FOXP2: variants seen among roughly 807,000 people sequenced by gnomAD.
FOXP2 encodes the protein forkhead box P2, also known as forkhead box protein P2.
In FOXP2, 12 loss-of-function variants were observed where a neutral mutation model predicts 115.8. The ratio of observed to expected loss-of-function variants is 0.10; its 90% CI spans 0.07 to 0.17. The LOEUF is 0.17. Ranked by LOEUF, FOXP2 falls within the 10% of genes least tolerant of loss-of-function variation. The probability of loss-of-function intolerance (pLI) is 1.00; values close to 1 mark genes in which losing one functional copy is unlikely to be tolerated. For synonymous variants in FOXP2, 328 were observed against 297.7 expected (o/e 1.10, Z -1.05); for missense variants, 629 against 843.5 (o/e 0.75, Z 3.15).
At chr7:114,244,172 G>C (rs180814995) in intron 1 of FOXP2, among the ~76,000 whole-genome samples, 151 of 152,198 alleles carry the variant, frequency 9.9e-4, no homozygotes, top group African/African-American at 3.4e-3. Flanking sequence ...AAATTGTGAA[G>C]ATAATACAAA....
At chr7:114,153,758 T>C (rs1252034691) in intron 1 of FOXP2, among the ~76,000 whole-genome samples, 1 of 146,852 alleles carries the variant, frequency 6.8e-6, no homozygotes, top group African/African-American at 2.4e-5. Flanking sequence ...TTTGTAGCTC[T>C]TTCTTTTCAC....
intron 1 of FOXP2, among the ~76,000 whole-genome samples, chr7:114,180,806 A>G (rs1020628916): frequency 6.6e-6 from 1 of 151,968 alleles, no homozygotes; most frequent in Admixed American, 6.6e-5. Context: ...CACTGATGCT[A>G]TCCTAGTCTA....
intron 3 of FOXP2, among the ~76,000 whole-genome samples, chr7:114,546,815 ACT>A (rs1385211757): frequency 6.6e-6 from 1 of 152,178 alleles, no homozygotes; most frequent in Non-Finnish European, 1.5e-5. Context: ...TCAATCGCAG[ACT>A]CTAAATCTTT....
At chr7:114,431,837 G>A (rs1794125702) in intron 2 of FOXP2, among the ~76,000 whole-genome samples, 1 of 151,824 alleles carries the variant, frequency 6.6e-6, no homozygotes, top group African/African-American at 2.4e-5. Context: ...GGAAAACTTT[G>A]AGCAATAATA....
intron 2 of FOXP2, among the ~76,000 whole-genome samples, chr7:114,370,552 A>G (rs1025272497): frequency 6.6e-6 from 1 of 152,166 alleles, no homozygotes; most frequent in Non-Finnish European, 1.5e-5. Context: ...GTTAGGCATT[A>G]CCAATTTACC....
intron 2 of FOXP2, among the ~76,000 whole-genome samples, chr7:114,359,263 T>A (rs996035964): frequency 1.3e-5 from 2 of 152,178 alleles, no homozygotes; most frequent in Non-Finnish European, 2.9e-5. Context: ...AGTTAAGAAG[T>A]AAGGTTTGGA....
intron 1 of FOXP2, among the ~76,000 whole-genome samples, chr7:114,247,912 C>T (rs987320355): frequency 5.9e-5 from 9 of 151,930 alleles, no homozygotes; most frequent in Non-Finnish European, 8.8e-5. Context: ...AACGTGCATG[C>T]GGATGTGCAG....
chr7:114,379,212 C>G (rs1792218975), intron 2 of FOXP2, among the ~76,000 whole-genome samples: 1 of 152,178 alleles, frequency 6.6e-6, no homozygotes, highest in South Asian at 2.1e-4. Flanking sequence ...ATCCTTGTCC[C>G]TCCCACTGTG....
At chr7:114,225,905 A>G (rs1379988218) in intron 1 of FOXP2, among the ~76,000 whole-genome samples, 2 of 152,174 alleles carry the variant, frequency 1.3e-5, no homozygotes, top group Non-Finnish European at 2.9e-5. Context: ...TTTACAAAAC[A>G]TATTCCATTA....
At chr7:114,260,423 A>G (rs1343088033) in intron 1 of FOXP2, among the ~76,000 whole-genome samples, 1 of 152,072 alleles carries the variant, frequency 6.6e-6, no homozygotes, top group Non-Finnish European at 1.5e-5. Context: ...TTATTGATTA[A>G]TGGGTCCTAG....
At chr7:114,106,827 G>C (rs75190855) in intron 1 of FOXP2, among the ~76,000 whole-genome samples, 1 of 151,810 alleles carries the variant, frequency 6.6e-6, no homozygotes, top group African/African-American at 2.4e-5. Flanking sequence ...TTTTAAGATT[G>C]TCTCAGTTTT....
chr7:114,583,191 AGCCAACAT>A (rs1232175192), intron 3 of FOXP2, among the ~76,000 whole-genome samples: 3 of 151,900 alleles, frequency 2.0e-5, no homozygotes, highest in Non-Finnish European at 1.5e-5. Context: ...AGACCAGCCT[AGCCAACAT>A]GGTGAAACCC....
intron 1 of FOXP2, among the ~76,000 whole-genome samples, chr7:114,131,338 G>GA (rs562928454): frequency 2.2e-3 from 342 of 152,178 alleles, no homozygotes; most frequent in Non-Finnish European, 3.4e-3. Flanking sequence ...AAATTGGGGG[G>GA]ACCTTGATTT....
At chr7:114,262,059 A>AAAAAC (rs763381913) in intron 1 of FOXP2, among the ~76,000 whole-genome samples, 7 of 152,152 alleles carry the variant, frequency 4.6e-5, no homozygotes, top group African/African-American at 1.4e-4. Context: ...ACTCTGTCTC[A>AAAAAC]AAAACAAAAC....
chr7:114,647,424 T>C (rs1421109755), intron 8 of FOXP2, among the ~76,000 whole-genome samples: 1 of 151,490 alleles, frequency 6.6e-6, no homozygotes, highest in East Asian at 1.9e-4. Flanking sequence ...TATTCTTATA[T>C]ATTCTTTAAT....
chr7:114,330,784 G>A (rs988276993), intron 2 of FOXP2, among the ~76,000 whole-genome samples: 2 of 151,902 alleles, frequency 1.3e-5, no homozygotes, highest in African/African-American at 4.8e-5. Context: ...CAGTAAATCC[G>A]ACAATAATAT....
rs917363744 is a variant in FOXP2 at position 114,429,333 on chromosome 7, G to A, written c.168+2654G>A. Among the ~76,000 whole-genome samples, 4 of 151,468 alleles carry A rather than the reference G, an allele frequency of 2.6e-5. No homozygotes were observed. The South Asian group carries it at 8.3e-4, about 31-fold the overall frequency. ...TTTTAAAGTTTGTGATATAATGGTA[G>A]CCACATCTCTGTTAGTATGCTCTGC... On this transcript the variant is annotated intron_variant, in intron 2 of 16. Coordinates refer to ENST00000350908, the MANE Select transcript of FOXP2 (RefSeq NM_014491.4).
intron 3 of FOXP2, among the ~76,000 whole-genome samples, chr7:114,570,388 T>C (rs1418539565): frequency 6.6e-6 from 1 of 151,886 alleles, no homozygotes. Flanking sequence ...TGGTTACAAT[T>C]GATTACAAGT....
intron 1 of FOXP2, among the ~76,000 whole-genome samples, chr7:114,280,421 A>G (rs1796303411): frequency 1.3e-5 from 2 of 152,178 alleles, no homozygotes; most frequent in African/African-American, 2.4e-5. Flanking sequence ...GAAATACCAA[A>G]CAGTATTTAT....
Sources: allele counts gnomAD v4.1 joint callset (sites outside exome capture counted in the v4.1 genomes callset), GRCh38; gene constraint gnomAD v4.1.1; transcripts MANE v1.5; gene names NCBI Gene and HGNC (gene_info 2026-07-23, HGNC 2026-07-21).